The following DNMT3A variants were observed in gnomAD, a reference collection of about 807,000 sequenced individuals.
DNMT3A encodes DNA methyltransferase 3 alpha.
In DNMT3A, 267 loss-of-function variants were observed where a neutral mutation model predicts 117.6. The ratio of observed to expected loss-of-function variants is 2.27; its 90% CI spans 2.05 to 2.51. The LOEUF (loss-of-function observed/expected upper bound fraction) is 2.51. Ranked by LOEUF, DNMT3A falls within the 30% of genes most tolerant of loss-of-function variation. DNMT3A has a pLI of 0.00. For synonymous variants in DNMT3A, 432 were observed against 474.8 expected, an observed-to-expected ratio of 0.91 and a Z score of 1.17; for missense variants, 1,029 against 1,260.2, an observed-to-expected ratio of 0.82 and a Z score of 2.78.
At chr2:25,249,732 G>T in intron 6 of DNMT3A, 1 of 1,614,122 alleles carries the variant, frequency 6.2e-7, no homozygotes, top group Middle Eastern at 1.6e-4. Flanking sequence ...TCCCTACAAA[G>T]GAGAATGAAA....
chr2:25,300,601 ATATCTAAATAATATATTATTTAG>A, intron 2 of DNMT3A, among the ~76,000 whole-genome samples: 1 of 9,492 alleles, frequency 1.1e-4, no homozygotes, highest in South Asian at 6.0e-3. Context: ...ACCCATATAT[ATATCTAAATAATATATTATTTAG>A]ATATCTAAAT....
chr2:25,244,331 A>G lies in DNMT3A; in HGVS notation c.1675T>C (p.Cys559Arg). ...CGNNNCCRCF[C>R]VECVDLLVGP... ...ACCAAGAGGTCCACACACTCCACGC[A>G]AAAGCACCTGGAAGGAGACCCAGTG... is the stretch of plus-strand genomic sequence containing the variant. Residue 559 changes from cysteine (C) to arginine (R), a missense_variant, in exon 15 of 23, where the codon TGC becomes CGC. Physicochemically the swap from Cys to Arg is radical, Grantham distance 180. Coordinates refer to ENST00000321117, the MANE Select transcript of DNMT3A (RefSeq NM_022552.5). The G allele has an allele frequency of 6.2e-7, 1 of 1,605,342 alleles. No homozygotes were observed. The highest frequency in any genetic ancestry group is 8.5e-7 in the Non-Finnish European group (1 of 1,176,066).
At chr2:25,318,315 C>A (rs1270943631) in intron 1 of DNMT3A, among the ~76,000 whole-genome samples, 1 of 151,856 alleles carries the variant, frequency 6.6e-6, no homozygotes, top group Non-Finnish European at 1.5e-5. Context: ...GAGACGGAGT[C>A]TTTCTCTGTT....
intron 3 of DNMT3A, among the ~76,000 whole-genome samples, chr2:25,292,305 G>A (rs958128528): frequency 2.0e-5 from 3 of 152,174 alleles, no homozygotes; most frequent in East Asian, 1.9e-4. Flanking sequence ...AGCCGAGATC[G>A]CACCACTGCA....
Position 25,254,402 on chromosome 2 carries a change from A to G in DNMT3A, c.640-6150T>C, listed in dbSNP as rs533052512. On this transcript the variant is annotated intron_variant, in intron 6 of 22. Transcript: ENST00000321117. This position sits in a 1 kb window ranked among gnomAD's most constrained non-coding sequence, Gnocchi z 4.7. ...CCCCAAACCAGAGAGCCTTCTACCT[A>G]GAAGACTTGGGTACAGACTCCCCCC... Among the ~76,000 whole-genome samples, 109 of 152,208 alleles carry G rather than the reference A, an allele frequency of 7.2e-4. 1 individual carries two copies. Among genetic ancestry groups the G allele is most frequent in the African/African-American group, 2.4e-3 (101 of 41,530 alleles).
chr2:25,326,760 T>C (rs1309596861), intron 1 of DNMT3A, among the ~76,000 whole-genome samples: 1 of 152,182 alleles, frequency 6.6e-6, no homozygotes, highest in African/African-American at 2.4e-5. Context: ...TTCTCCAGCA[T>C]GCAGCTTTCC....
chr2:25,248,558 T>TA (rs760518260), intron 6 of DNMT3A, among the ~76,000 whole-genome samples: 32 of 152,150 alleles, frequency 2.1e-4, no homozygotes, highest in Non-Finnish European at 3.4e-4. Flanking sequence ...TTTATTTATT[T>TA]TTTTTTTTGG....
chr2:25,336,969 T>C (rs780435053), intron 1 of DNMT3A, among the ~76,000 whole-genome samples: 1 of 152,220 alleles, frequency 6.6e-6, no homozygotes, highest in Non-Finnish European at 1.5e-5. Context: ...CCAGTCCCAC[T>C]CTGCAGTTCT....
chr2:25,277,317 C>G (rs1353514304), intron 4 of DNMT3A, among the ~76,000 whole-genome samples: 1 of 152,210 alleles, frequency 6.6e-6, no homozygotes, highest in Non-Finnish European at 1.5e-5. Flanking sequence ...TCCAGCCTGT[C>G]CGGGGCCTCC....
Position 25,229,375 on chromosome 2 carries a change from CT to C in DNMT3A, c.*4903del. ...GCTCCAGACCATTCCTCCACTACAC[CT>C]TTTCCACCCCCGGGATTGGGAGCGG... On this transcript the variant is annotated 3_prime_UTR_variant, in exon 23 of 23. Coordinates refer to ENST00000321117, the MANE Select transcript of DNMT3A (RefSeq NM_022552.5). 6.6e-6 allele frequency: 1 copy of C among 152,374 alleles called. No homozygotes were observed. Among genetic ancestry groups the C allele is most frequent in the Middle Eastern group, 3.4e-3 (1 of 296 alleles). 9.4% of individuals were successfully genotyped at this position (152,374 alleles called of 1,614,324 possible).
At position 25,246,796 on chromosome 2, in the gene DNMT3A, G is replaced by A; in HGVS notation, c.1123-20C>T. 1.2e-6 allele frequency: 2 copies of A among 1,610,934 alleles called. No individual in the cohort carries two copies. The highest frequency in any genetic ancestry group is 1.7e-6 in the Non-Finnish European group (2 of 1,179,314). ...GGCCACCTGGAGGGTGACACGCCAG[G>A]GTTGGGGTTGTCAGGACAGGCTGGA... On this transcript the variant is annotated intron_variant, in intron 9 of 22. Transcript: ENST00000321117.
In DNMT3A at chr2:25,282,786, C is replaced by G. The variant is rs1411022268; in HGVS notation, c.178-75G>C. 8.2e-6 allele frequency: 12 copies of G among 1,463,728 alleles called. No homozygotes were observed. Among genetic ancestry groups the G allele is most frequent in the African/African-American group, 2.9e-5 (2 of 69,524 alleles). The allele number at this position is 1,463,728 out of a possible 1,614,324, so 90.7% of individuals were successfully genotyped here. On this transcript the variant is annotated intron_variant, in intron 3 of 22. Transcript: ENST00000321117. The surrounding 1 kb of genome is among the most constrained non-coding windows in gnomAD (Gnocchi z 5.2). The stretch of plus-strand genomic sequence containing the variant: ...AGCCTGTTTTGGATCATTGACCGCT[C>G]TGAAATTCTAGAGAATGTTATGCAC...
rs962757833 is a variant in DNMT3A at position 25,257,860 on chromosome 2, G to T, written c.640-9608C>A. Among the ~76,000 whole-genome samples, 2 of 152,206 alleles carry T rather than the reference G, an allele frequency of 1.3e-5. No individual in the cohort carries two copies. Among genetic ancestry groups the T allele is most frequent in the Non-Finnish European group, 2.9e-5 (2 of 68,042 alleles). ...GTGGAAACACGGAGACCCTGGCTGT[G>T]TCTGTTACAAATGAGAACACTGAGG... On this transcript the variant is annotated intron_variant, in intron 6 of 22. Transcript: ENST00000321117. This position sits in a 1 kb window ranked among gnomAD's most constrained non-coding sequence, Gnocchi z 4.8.
intron 19 of DNMT3A, 136 bp downstream of exon 19, chr2:25,240,166 G>T: frequency 7.8e-7 from 1 of 1,281,790 alleles, no homozygotes. Flanking sequence ...CAGGAAGCCT[G>T]GGGCTTCCCA....
At chr2:25,243,810 T>A in intron 16 of DNMT3A, 88 bp downstream of exon 16, 4 of 1,357,622 alleles carry the variant, frequency 2.9e-6, no homozygotes, top group Non-Finnish European at 4.1e-6. Flanking sequence ...AAGCTAACCA[T>A]CATTTCGTTT....
At position 25,248,024 on chromosome 2, in the gene DNMT3A, A is replaced by G. The variant is rs1372915407; in HGVS notation, c.855+13T>C. On this transcript the variant is annotated intron_variant, in intron 7 of 22. Coordinates refer to ENST00000321117, the MANE Select transcript of DNMT3A (RefSeq NM_022552.5). Reference sequence around the variant, plus strand: ...GGAAAGAGCTGGCCACGGCTGGTGAAGAAGCCGCTCACCTCGTACTCTGGC... The same window carrying G: ...GGAAAGAGCTGGCCACGGCTGGTGAGGAAGCCGCTCACCTCGTACTCTGGC... 5 of 1,611,696 alleles carry G rather than the reference A, an allele frequency of 3.1e-6. No individual in the cohort carries two copies. The highest frequency in any genetic ancestry group is 3.4e-6 in the Non-Finnish European group (4 of 1,179,922).
rs769054584 is a variant in DNMT3A, at chr2:25,244,537, C to T, written c.1667+3G>A. 2.4e-5 allele frequency: 38 copies of T among 1,614,134 alleles called. No homozygotes were observed. The highest frequency in any genetic ancestry group is 8.8e-5 in the South Asian group (8 of 91,082). On this transcript the variant is annotated splice_donor_region_variant and intron_variant, in intron 14 of 22. Coordinates refer to ENST00000321117, the MANE Select transcript of DNMT3A (RefSeq NM_022552.5). ...AGACCACTGGAGGCCACAACAGCCT[C>T]ACCTGCAGCAGTTGTTGTTTCCGCA...
rs1674855172 is a variant in DNMT3A at position 25,246,832 on chromosome 2, G to C, written c.1123-56C>G. The C allele has an allele frequency of 1.0e-5, 16 of 1,596,512 alleles. No homozygotes were observed. The South Asian group carries it at 1.6e-4, about 16-fold the overall frequency. On this transcript the variant is annotated intron_variant, in intron 9 of 22. Coordinates refer to ENST00000321117, the MANE Select transcript of DNMT3A (RefSeq NM_022552.5). ...TCAGGACAGGCTGGAAGGCAGATGG[G>C]TCAGGCTCAAGGCCAGACTCTGAGT...
rs58128643 is a variant in DNMT3A, at chr2:25,228,200, T to TAAA, written c.*6076_*6078dup. ...TTGTCAATAAATAGAGAAGCAACCC[T>TAAA]AAAAAAAAAAAAAAAAAAAAAAAAA... On this transcript the variant is annotated 3_prime_UTR_variant, in exon 23 of 23. Coordinates refer to ENST00000321117, the MANE Select transcript of DNMT3A (RefSeq NM_022552.5). The TAAA allele has an allele frequency of 2.4e-3, 6 of 2,506 alleles. 2 individuals are homozygous for TAAA. The highest frequency in any genetic ancestry group is 3.5e-3 in the Non-Finnish European group (5 of 1,410). The allele number at this position is 2,506 out of a possible 1,614,324, so 0.2% of individuals were successfully genotyped here.
Sources: allele counts gnomAD v4.1 joint callset (sites outside exome capture counted in the v4.1 genomes callset), GRCh38; gene constraint gnomAD v4.1.1; non-coding constraint Gnocchi (gnomAD v3.1); transcripts MANE v1.5; gene names NCBI Gene and HGNC (gene_info 2026-07-23, HGNC 2026-07-21).